Variants in DOK5 observed in about 807,000 individuals in gnomAD.
DOK5 encodes the protein docking protein 5, also known as downstream of tyrosine kinase 5.
In DOK5, 27 loss-of-function variants were observed where a neutral mutation model predicts 43.3. That is an observed-to-expected ratio of 0.62 (90% CI 0.46 to 0.86). The LOEUF is 0.86. Among genes scored for constraint, DOK5 ranks in the 40% least tolerant of loss-of-function variants. DOK5 has a pLI of 0.00. For missense variants in DOK5, 373 were observed against 392.9 expected, an observed-to-expected ratio of 0.95 and a Z score of 0.43; for synonymous variants, 146 against 140.1, an observed-to-expected ratio of 1.04 and a Z score of -0.30.
At chr20:54,592,700 C>G (rs1986014841) in intron 5 of DOK5, among the ~76,000 whole-genome samples, 1 of 151,966 alleles carries the variant, frequency 6.6e-6, no homozygotes, top group South Asian at 2.1e-4. Flanking sequence ...GCCACCACGC[C>G]TCGCTAATTT....
chr20:54,500,587 G>T (rs1982557817), intron 1 of DOK5, among the ~76,000 whole-genome samples: 2 of 133,146 alleles, frequency 1.5e-5, no homozygotes, highest in African/African-American at 3.1e-5. Flanking sequence ...TTGAGATGGA[G>T]TTTCACTCTT....
intron 6 of DOK5, among the ~76,000 whole-genome samples, chr20:54,638,776 CT>C (rs1978967944): frequency 8.5e-6 from 1 of 117,226 alleles, no homozygotes; most frequent in Non-Finnish European, 1.7e-5. Flanking sequence ...TTTTTTGAGA[CT>C]GAGTCTCGCT....
intron 1 of DOK5, among the ~76,000 whole-genome samples, chr20:54,548,329 G>A (rs1432859659): frequency 6.6e-6 from 1 of 151,882 alleles, no homozygotes; most frequent in African/African-American, 2.4e-5. Flanking sequence ...CCACTTCCCT[G>A]GGCTCAGATG....
At chr20:54,629,317 C>G (rs1195553605) in intron 6 of DOK5, among the ~76,000 whole-genome samples, 1 of 152,000 alleles carries the variant, frequency 6.6e-6, no homozygotes, top group Non-Finnish European at 1.5e-5. Flanking sequence ...TGCAAGTGAG[C>G]GAGGAAGCTG....
At chr20:54,508,573 T>G (rs1466411258) in intron 1 of DOK5, among the ~76,000 whole-genome samples, 3 of 151,780 alleles carry the variant, frequency 2.0e-5, no homozygotes, top group African/African-American at 7.3e-5. Context: ...TTTTAATTTT[T>G]ATATTTATTT....
chr20:54,639,972 C>T lies in DOK5; in HGVS notation c.736-3486C>T, dbSNP rs139453403. Among the ~76,000 whole-genome samples, 179 of 152,266 alleles carry T rather than the reference C, an allele frequency of 1.2e-3. No homozygotes were observed. The Middle Eastern group carries it at 0.017, about 14-fold the overall frequency. On this transcript the variant is annotated intron_variant, in intron 6 of 7. Coordinates refer to ENST00000262593, the MANE Select transcript of DOK5 (RefSeq NM_018431.5). ...AGTTCAGGGTCACGGGTGGCCAGAG[C>T]CCACCATCTCTGCAGCTCTGGGTGC...
chr20:54,607,869 C>T (rs1053588823), intron 5 of DOK5, among the ~76,000 whole-genome samples: 2 of 149,228 alleles, frequency 1.3e-5, no homozygotes, highest in South Asian at 2.1e-4. Flanking sequence ...GGCGACAGAG[C>T]GAGACTCCAT....
intron 1 of DOK5, among the ~76,000 whole-genome samples, chr20:54,526,531 C>G (rs1983581365): frequency 6.6e-6 from 1 of 152,166 alleles, no homozygotes; most frequent in Non-Finnish European, 1.5e-5. Flanking sequence ...ACTGAACTTT[C>G]TTGCTGCAGA....
intron 1 of DOK5, among the ~76,000 whole-genome samples, chr20:54,499,217 C>T (rs897402020): frequency 6.6e-6 from 1 of 152,346 alleles, no homozygotes; most frequent in African/African-American, 2.4e-5. Flanking sequence ...AGGATTCTTA[C>T]ATGCCATGCT....
At chr20:54,607,908 A>G (rs1460585137) in intron 5 of DOK5, among the ~76,000 whole-genome samples, 2 of 151,154 alleles carry the variant, frequency 1.3e-5, no homozygotes, top group African/African-American at 4.9e-5. Flanking sequence ...AAACAAAACA[A>G]AACAAAACAA....
chr20:54,554,297 A>G (rs1356410105), intron 1 of DOK5, among the ~76,000 whole-genome samples: 1 of 152,158 alleles, frequency 6.6e-6, no homozygotes, highest in Non-Finnish European at 1.5e-5. Context: ...CCACAGCTTA[A>G]CTCTCCTGCA....
rs1399302955 is a variant in DOK5 at position 54,643,329 on chromosome 20, A to G, written c.736-129A>G. The G allele has an allele frequency of 3.9e-6, 5 of 1,288,460 alleles. No individual in the cohort carries two copies. In the Admixed American group the frequency reaches 8.0e-5, roughly 21 times the overall value. The allele number at this position is 1,288,460 out of a possible 1,614,324, so 79.8% of individuals were successfully genotyped here. A position where few individuals can be genotyped will look rare whatever the true frequency, so the allele number is the denominator to read the frequency against. The stretch of plus-strand genomic sequence containing the variant: ...CTGGCCACCATGCCCACCACCTTCA[A>G]TCGATGTTCATTGATTTGCAGCCTG... On this transcript the variant is annotated intron_variant, in intron 6 of 7. Transcript: ENST00000262593.
rs534757390 is a variant in DOK5 at position 54,478,496 on chromosome 20, T to C, written c.66+2484T>C. On this transcript the variant is annotated intron_variant, in intron 1 of 7. Coordinates refer to ENST00000262593, the MANE Select transcript of DOK5 (RefSeq NM_018431.5). ...ATGTTGAAATATGTGCTGAACTATA[T>C]AGTGCATGGATGGTCTTGCCATTTA... Among the ~76,000 whole-genome samples, 9 of 152,342 alleles carry C rather than the reference T, an allele frequency of 5.9e-5. No homozygotes were observed. In the East Asian group the frequency reaches 1.7e-3, roughly 29 times the overall value.
chr20:54,574,541 A>G (rs995827219), intron 2 of DOK5, among the ~76,000 whole-genome samples: 2 of 152,198 alleles, frequency 1.3e-5, no homozygotes, highest in Admixed American at 1.3e-4. Flanking sequence ...GGCAGAGTAA[A>G]TTCTAAAGAG....
At chr20:54,561,527 G>T (rs1332505854) in intron 2 of DOK5, among the ~76,000 whole-genome samples, 1 of 152,236 alleles carries the variant, frequency 6.6e-6, no homozygotes, top group African/African-American at 2.4e-5. Flanking sequence ...AGCAACAGGT[G>T]AAGCCTGGAA....
At chr20:54,527,933 G>A (rs1360016877) in intron 1 of DOK5, among the ~76,000 whole-genome samples, 4 of 152,192 alleles carry the variant, frequency 2.6e-5, no homozygotes, top group Admixed American at 6.5e-5. Context: ...TATACTGGGC[G>A]TGGTGGCTCA....
intron 1 of DOK5, among the ~76,000 whole-genome samples, chr20:54,486,503 T>G (rs966286547): frequency 3.3e-5 from 5 of 152,140 alleles, no homozygotes; most frequent in African/African-American, 1.2e-4. Context: ...TAATATAAAT[T>G]TTAAAATAAT....
chr20:54,645,781 A>G (rs1392559156), intron 7 of DOK5, among the ~76,000 whole-genome samples: 1 of 152,118 alleles, frequency 6.6e-6, no homozygotes, highest in African/African-American at 2.4e-5. Flanking sequence ...TTATCATTTT[A>G]TCCCCCGGCA....
At chr20:54,508,793 T>C (rs1341358302) in intron 1 of DOK5, among the ~76,000 whole-genome samples, 2 of 151,298 alleles carry the variant, frequency 1.3e-5, no homozygotes, top group Non-Finnish European at 1.5e-5. Flanking sequence ...TTGGCCAGGC[T>C]GGTCTTGAAC....
Sources: allele counts gnomAD v4.1 joint callset (sites outside exome capture counted in the v4.1 genomes callset), GRCh38; gene constraint gnomAD v4.1.1; transcripts MANE v1.5; gene names NCBI Gene and HGNC (gene_info 2026-07-23, HGNC 2026-07-21).